The following VPS13B variants were observed in gnomAD, a reference collection of about 807,000 sequenced individuals.
The protein encoded by VPS13B is intermembrane lipid transfer protein VPS13B.
VPS13B carries 285 observed loss-of-function variants against 426.4 expected under a neutral mutation model. The ratio of observed to expected loss-of-function variants is 0.67; its 90% CI spans 0.61 to 0.74. The LOEUF (loss-of-function observed/expected upper bound fraction) is 0.74. Ranked by LOEUF, VPS13B falls within the 30% of genes least tolerant of loss-of-function variation. VPS13B has a pLI of 0.00. For synonymous variants in VPS13B, 1,676 were observed against 1,676.4 expected, an observed-to-expected ratio of 1.00 and a Z score of 0.01; for missense variants, 4,537 against 4,782.6, an observed-to-expected ratio of 0.95 and a Z score of 1.51.
chr8:99,457,113 TCTC>T, intron 23 of VPS13B, among the ~76,000 whole-genome samples: 2 of 151,284 alleles, frequency 1.3e-5, no homozygotes, highest in Non-Finnish European at 3.0e-5. Flanking sequence ...CTCACTGCAA[TCTC>T]TGCCTCCCGG....
In VPS13B at chr8:99,170,214, A is replaced by G. The variant is rs150082346; in HGVS notation, c.2333+51A>G. The G allele has an allele frequency of 1.6e-4, 251 of 1,598,110 alleles. 2 individuals carry two copies. In the African/African-American group the frequency reaches 2.8e-3, roughly 18 times the overall value. On this transcript the variant is annotated intron_variant, in intron 16 of 61. Transcript: ENST00000357162. ...TTTATGTTAATTTCCATTTATTAGG[A>G]GGGAAAAAACCCCCAAATGTATCTG...
chr8:99,307,315 C>T (rs1820694612), intron 19 of VPS13B, among the ~76,000 whole-genome samples: 1 of 151,980 alleles, frequency 6.6e-6, no homozygotes, highest in Non-Finnish European at 1.5e-5. Flanking sequence ...TTTAAGTTAG[C>T]TTGACCCTTT....
chr8:99,190,375 C>T (rs1813491131), intron 16 of VPS13B, among the ~76,000 whole-genome samples: 1 of 151,266 alleles, frequency 6.6e-6, no homozygotes, highest in Non-Finnish European at 1.5e-5. Context: ...AGAATCTCTT[C>T]CTTGAATTGG....
At chr8:99,340,942 A>G (rs1303140312) in intron 19 of VPS13B, 3 of 283,464 alleles carry the variant, frequency 1.1e-5, no homozygotes, top group South Asian at 5.0e-5. Flanking sequence ...GGGCTGGGAG[A>G]GAGCTCCCCC....
In VPS13B at chr8:99,136,736, G is replaced by C. The variant is rs776763230; in HGVS notation, c.1635G>C (p.Glu545Asp). ...AFYMDYLYTMENTSGKGSTNQ... is the reference protein window; with the variant it reads ...AFYMDYLYTMDNTSGKGSTNQ... The stretch of plus-strand genomic sequence containing the variant: ...ATATGGATTACCTGTATACAATGGA[G>C]AACACTAGTGGCAAAGGTATTGGCT... The change falls in exon 12 of 62, where the codon GAG (glutamate) becomes GAC (aspartate). Residue 545 changes from glutamate (E) to aspartate (D), a missense_variant. Physicochemically the swap from Glu to Asp is conservative, Grantham distance 45. This residue lies in a region of VPS13B where 4,311 missense variants were observed against 4,474.3 expected (regional missense o/e 0.96). Transcript: ENST00000357162. 3 of 1,613,526 alleles carry C rather than the reference G, an allele frequency of 1.9e-6. No individual in the cohort carries two copies. The highest frequency in any genetic ancestry group is 2.5e-6 in the Non-Finnish European group (3 of 1,179,584).
chr8:99,403,658 T>TGGCCCAGTGGC (rs1171149272), intron 21 of VPS13B, among the ~76,000 whole-genome samples: 1 of 152,178 alleles, frequency 6.6e-6, no homozygotes, highest in African/African-American at 2.4e-5. Context: ...GTACTATGAT[T>TGGCCCAGTGGC]GGCCCAGTGG....
At chr8:99,450,723 A>C (rs1818152717) in intron 23 of VPS13B, among the ~76,000 whole-genome samples, 1 of 152,156 alleles carries the variant, frequency 6.6e-6, no homozygotes, top group African/African-American at 2.4e-5. Flanking sequence ...AAAAGAAAAA[A>C]AAATTTTTTT....
intron 36 of VPS13B, among the ~76,000 whole-genome samples, chr8:99,706,485 G>A (rs1243953638): frequency 6.6e-6 from 1 of 152,124 alleles, no homozygotes; most frequent in Admixed American, 6.6e-5. Flanking sequence ...GGAATATGAA[G>A]TCTTCATAAG....
rs71273158 is a variant in VPS13B at position 99,055,900 on chromosome 8, A to AT, written c.291+17357dup. Among the ~76,000 whole-genome samples, 743 of 107,796 alleles carry AT rather than the reference A, an allele frequency of 6.9e-3. 16 individuals are homozygous for AT. Among genetic ancestry groups the AT allele is most frequent in the African/African-American group, 0.018 (497 of 27,242 alleles). The allele number at this position is 107,796 out of a possible 152,430, so 70.7% of individuals were successfully genotyped here. On this transcript the variant is annotated intron_variant, in intron 3 of 61. Transcript: ENST00000357162. ...ACATGCCACAGTGCCTGGCTAATTA[A>AT]TTTTTTTTTTTTTTTTTTTTTTTAG...
intron 54 of VPS13B, among the ~76,000 whole-genome samples, chr8:99,840,411 T>A (rs1815624089): frequency 6.6e-6 from 1 of 152,258 alleles, no homozygotes; most frequent in African/African-American, 2.4e-5. Flanking sequence ...AAAATTGTGA[T>A]GCTGTCATCT....
chr8:99,868,952 G>A (rs1030843327), intron 59 of VPS13B, among the ~76,000 whole-genome samples: 4 of 152,196 alleles, frequency 2.6e-5, no homozygotes, highest in African/African-American at 7.2e-5. Flanking sequence ...CAAAGGGTCT[G>A]CAACCAGAAG....
At chr8:99,613,091 A>G (rs1320899708) in intron 33 of VPS13B, among the ~76,000 whole-genome samples, 1 of 152,184 alleles carries the variant, frequency 6.6e-6, no homozygotes, top group Non-Finnish European at 1.5e-5. Context: ...TATAATTATA[A>G]TTATTTTTCA....
chr8:99,743,823 A>T (rs186986385), intron 39 of VPS13B, among the ~76,000 whole-genome samples: 15 of 152,332 alleles, frequency 9.8e-5, no homozygotes, highest in African/African-American at 3.6e-4. Flanking sequence ...ACAAAAATTA[A>T]TTCAAGATGG....
intron 19 of VPS13B, among the ~76,000 whole-genome samples, chr8:99,297,672 T>G (rs1267045220): frequency 1.3e-5 from 2 of 152,202 alleles, no homozygotes; most frequent in Non-Finnish European, 2.9e-5. Flanking sequence ...GTGCTAGTGG[T>G]TAGCTAGTGT....
At chr8:99,688,458 T>A (rs1831511808) in intron 35 of VPS13B, among the ~76,000 whole-genome samples, 1 of 152,062 alleles carries the variant, frequency 6.6e-6, no homozygotes. Context: ...GTTTTTGGCT[T>A]GGGACCAGAT....
intron 23 of VPS13B, among the ~76,000 whole-genome samples, chr8:99,458,535 A>G (rs1313440723): frequency 6.6e-6 from 1 of 151,984 alleles, no homozygotes; most frequent in Non-Finnish European, 1.5e-5. Context: ...AGTCCCACCA[A>G]CAGTGTAAAA....
intron 17 of VPS13B, among the ~76,000 whole-genome samples, chr8:99,221,168 T>A (rs1375497559): frequency 6.6e-5 from 9 of 137,230 alleles, no homozygotes; most frequent in Admixed American, 3.8e-4. Flanking sequence ...TGTGCCACAT[T>A]TTCTTAATCC....
chr8:99,764,562 T>A (rs369266198), intron 39 of VPS13B, among the ~76,000 whole-genome samples: 16 of 151,906 alleles, frequency 1.1e-4, no homozygotes, highest in East Asian at 9.7e-4. Context: ...TACAGGCACC[T>A]GCCACCACGC....
At chr8:99,512,501 T>G (rs1821842950) in intron 29 of VPS13B, among the ~76,000 whole-genome samples, 1 of 152,204 alleles carries the variant, frequency 6.6e-6, no homozygotes. Flanking sequence ...TTTATACAGA[T>G]AATTCCCTGA....
Sources: gnomAD v4.1 joint callset for allele counts (sites outside exome capture counted in the v4.1 genomes callset) on GRCh38, gnomAD v4.1.1 for gene constraint, gnomAD v4.1.1 regional missense constraint, MANE v1.5 for transcripts, NCBI Gene and HGNC (gene_info 2026-07-23, HGNC 2026-07-21) for gene names.